The following ZNF318 variants were observed in gnomAD, a reference collection of about 807,000 sequenced individuals.
The protein encoded by ZNF318 is zinc finger protein 318.
Under a neutral mutation model 124.2 loss-of-function variants are expected in ZNF318, and 51 were observed. The ratio of observed to expected loss-of-function variants is 0.41; its 90% CI spans 0.33 to 0.52. The LOEUF is 0.52. ZNF318 is among the 20% of genes least tolerant of loss of function. ZNF318 has a pLI of 0.23. For missense variants in ZNF318, 2,815 were observed against 2,811.2 expected (o/e 1.00, Z -0.03); for synonymous variants, 1,090 against 1,040.7 (o/e 1.05, Z -0.91).
At position 43,342,749 on chromosome 6, in the gene ZNF318, C is replaced by A; in HGVS notation, c.3203G>T (p.Cys1068Phe). ...YEYYDAGNHW[C>F]KDCNTICGTM... ...CCCACAGATGGTGTTGCAGTCTTTG[C>A]ACCAGTGATTGCCAGCATCATAATA... The change falls in exon 7 of 10, where the codon TGC (cysteine) becomes TTC (phenylalanine). Residue 1068 changes from cysteine (C) to phenylalanine (F), a missense_variant. Cys to Phe is a radical substitution (Grantham distance 205). Around this residue, in one of 4 missense-constraint regions of ZNF318, gnomAD observed 500 missense variants for 605.2 expected, o/e 0.83. Coordinates refer to ENST00000361428, the MANE Select transcript of ZNF318 (RefSeq NM_014345.3). The A allele has an allele frequency of 1.2e-6, 2 of 1,614,226 alleles. No individual in the cohort carries two copies. Among genetic ancestry groups the A allele is most frequent in the Non-Finnish European group, 1.7e-6 (2 of 1,180,034 alleles).
At chr6:43,362,988 T>C (rs1273324140) in intron 2 of ZNF318, among the ~76,000 whole-genome samples, 1 of 152,166 alleles carries the variant, frequency 6.6e-6, no homozygotes, top group Non-Finnish European at 1.5e-5. Context: ...AACAGTATTT[T>C]TTAAATGGCC....
chr6:43,353,379 T>C lies in ZNF318; in HGVS notation c.2671-903A>G, dbSNP rs1779560910. On this transcript the variant is annotated intron_variant, in intron 4 of 9. Transcript: ENST00000361428. Reference sequence around the variant, plus strand: ...CCTCTAATTTTTTTCTTCAGAACTTTTTTTTTTTTTTTTGAGATGGAATCT... The same window carrying C: ...CCTCTAATTTTTTTCTTCAGAACTTCTTTTTTTTTTTTTGAGATGGAATCT... 3.9e-5 allele frequency among the ~76,000 whole-genome samples: 4 copies of C among 101,934 alleles called. 1 individual carries two copies. The South Asian group carries it at 1.1e-3, about 29-fold the overall frequency. The allele number at this position is 101,934 out of a possible 152,430, so 66.9% of individuals were successfully genotyped here. A position where few individuals can be genotyped will look rare whatever the true frequency, so the allele number is the denominator to read the frequency against.
Position 43,355,062 on chromosome 6 carries a change from A to T in ZNF318, c.2272T>A (p.Leu758Ile). The change falls in exon 4 of 10, where the codon TTA becomes ATA. Residue 758 changes from leucine to isoleucine, a missense_variant. Physicochemically the swap from Leu to Ile is conservative, Grantham distance 5. Around this residue, in one of 4 missense-constraint regions of ZNF318, gnomAD observed 1,377 missense variants for 1,353.5 expected, o/e 1.02. Transcript: ENST00000361428. ...APIRLPHTAA[L>I]SQFHMPRASQ... ...GCCCTTGGCATGTGAAACTGAGATA[A>T]AGCAGCAGTGTGTGGAAGTCTAATT... The T allele has an allele frequency of 2.5e-6, 4 of 1,614,114 alleles. No homozygotes were observed. Among genetic ancestry groups the T allele is most frequent in the Non-Finnish European group, 3.4e-6 (4 of 1,179,998 alleles).
chr6:43,338,747 G>C lies in ZNF318; in HGVS notation c.5251C>G (p.Leu1751Val), dbSNP rs574684582. The stretch of plus-strand genomic sequence containing the variant: ...TTATCCTGGTTAACAGATTCTCTGA[G>C]GTGGATTTCTACCAACTTCTGAGAT... ...KESQKLVEIH[L>V]RESVNQDKES... Residue 1751 changes from leucine (L) to valine (V), a missense_variant, in exon 10 of 10, where the codon CTC becomes GTC. This residue lies in a region of ZNF318 where 927 missense variants were observed against 820.6 expected (regional missense o/e 1.13). Coordinates refer to ENST00000361428, the MANE Select transcript of ZNF318 (RefSeq NM_014345.3). The C allele has an allele frequency of 4.2e-5, 67 of 1,614,118 alleles. No homozygotes were observed. In the South Asian group the frequency reaches 6.8e-4, roughly 16 times the overall value.
Position 43,339,794 on chromosome 6 carries a change from G to A in ZNF318, c.4204C>T (p.Pro1402Ser), listed in dbSNP as rs757046876. ...VKESSADLLL[P>S]PDIISKAFGG... Reference sequence around the variant, plus strand: ...AATGCTTTGGAGATGATGTCTGGAGGTAAGAGGAGATCAGCTGAAGACTCT... The same window carrying A: ...AATGCTTTGGAGATGATGTCTGGAGATAAGAGGAGATCAGCTGAAGACTCT... The change falls in exon 10 of 10, where the codon CCT becomes TCT. Residue 1402 changes from proline (P) to serine (S), a missense_variant. By Grantham distance (74) the Pro-to-Ser change is moderately conservative. Coordinates refer to ENST00000361428, the MANE Select transcript of ZNF318 (RefSeq NM_014345.3). This position sits in a 1 kb window ranked among gnomAD's most constrained non-coding sequence, Gnocchi z 4.2. 19 of 1,614,156 alleles carry A rather than the reference G, an allele frequency of 1.2e-5. No individual in the cohort carries two copies. The highest frequency in any genetic ancestry group is 1.4e-5 in the Non-Finnish European group (17 of 1,180,044).
chr6:43,356,231 T>C, intron 3 of ZNF318, 86 bp from the exon 4 acceptor site: 1 of 1,415,512 alleles, frequency 7.1e-7, no homozygotes, highest in Admixed American at 2.4e-5. Context: ...ACTTTGGTCT[T>C]CCTGAATTAA....
rs759173765 is a variant in ZNF318, at chr6:43,337,437, C to G, written c.6561G>C (p.Leu2187=). The G allele has an allele frequency of 1.1e-5, 17 of 1,614,044 alleles. No homozygotes were observed. The highest frequency in any genetic ancestry group is 1.6e-4 in the Middle Eastern group (1 of 6,084). ...CACCTGGCTCAGAGAGTGGAGAACA[C>G]AGTTTATCTTTTTGAACTCCAGAGG... ...TRTSGVQKDK[L]CSPLSEPGDP... Residue 2187 remains leucine (L), a synonymous_variant, in exon 10 of 10, where the codon CTG becomes CTC. Transcript: ENST00000361428.
chr6:43,369,057 C>T lies in ZNF318; in HGVS notation c.309G>A (p.Pro103=), dbSNP rs947378850. ...CCCGGCTGCTGCCTCTGAAGCCGGC[C>T]GGGCCCGGCGGGAAGAGTCGTCGGC... ...PRGRRLFPPG[P]AGFRGSSRGE... Residue 103 remains proline (P), a synonymous_variant, in exon 1 of 10, where the codon CCG becomes CCA. Coordinates refer to ENST00000361428, the MANE Select transcript of ZNF318 (RefSeq NM_014345.3). 1.5e-6 allele frequency: 2 copies of T among 1,347,752 alleles called. No individual in the cohort carries two copies. The highest frequency in any genetic ancestry group is 3.0e-5 in the African/African-American group (2 of 65,966). The allele number at this position is 1,347,752 out of a possible 1,614,324, so 83.5% of individuals were successfully genotyped here.
rs754007857 is a variant in ZNF318 at position 43,357,200 on chromosome 6, C to T, written c.1114G>A (p.Glu372Lys). Residue 372 changes from glutamate (E) to lysine (K), a missense_variant, in exon 3 of 10, where the codon GAA becomes AAA. Physicochemically the swap from Glu to Lys is moderately conservative, Grantham distance 56. Coordinates refer to ENST00000361428, the MANE Select transcript of ZNF318 (RefSeq NM_014345.3). ...GATTTCTTGGGCATCACAGATACTT[C>T]CTCAGGCCGATGCAAAGAATATCCT... is the stretch of plus-strand genomic sequence containing the variant. ...EPGYSLHRPE[E>K]VSVMPKKSIL... is the part of the protein sequence containing the mutation. 2 of 1,614,186 alleles carry T rather than the reference C, an allele frequency of 1.2e-6. No individual in the cohort carries two copies. Among genetic ancestry groups the T allele is most frequent in the Admixed American group, 1.7e-5 (1 of 60,016 alleles).
chr6:43,352,507 T>C (rs1268221487), intron 4 of ZNF318, 31 bp from the exon 5 acceptor site: 3 of 1,571,780 alleles, frequency 1.9e-6, no homozygotes, highest in Admixed American at 3.3e-5. Flanking sequence ...AGAGAGTCCA[T>C]CTCCTCCAAC....
intron 4 of ZNF318, among the ~76,000 whole-genome samples, chr6:43,353,536 G>A (rs924111106): frequency 2.0e-5 from 3 of 151,900 alleles, no homozygotes; most frequent in East Asian, 1.9e-4. Context: ...CACCACACCC[G>A]GCTAATTTTT....
chr6:43,363,968 C>T, intron 2 of ZNF318: 1 of 682,176 alleles, frequency 1.5e-6, no homozygotes, highest in Non-Finnish European at 2.6e-6. Flanking sequence ...TGCAAGGTGA[C>T]AGGCTACTGC....
At chr6:43,365,948 C>A (rs2150758468) in intron 1 of ZNF318, among the ~76,000 whole-genome samples, 1 of 152,216 alleles carries the variant, frequency 6.6e-6, no homozygotes, top group Middle Eastern at 3.4e-3. Context: ...TCTTACTGGG[C>A]ATGGGAAAAG....
chr6:43,352,254 TTTAA>T, intron 5 of ZNF318, 119 bp downstream of exon 5: 1 of 711,866 alleles, frequency 1.4e-6, no homozygotes, highest in South Asian at 1.9e-5. Flanking sequence ...TTTTTGTAAG[TTTAA>T]TTACGTCAAA....
chr6:43,338,672 C>T lies in ZNF318; in HGVS notation c.5326G>A (p.Glu1776Lys), dbSNP rs781298041. The change falls in exon 10 of 10, where the codon GAG becomes AAG. Residue 1776 changes from glutamate (E) to lysine (K), a missense_variant. Physicochemically the swap from Glu to Lys is moderately conservative, Grantham distance 56. This residue lies in a region of ZNF318 where 927 missense variants were observed against 820.6 expected (regional missense o/e 1.13). Transcript: ENST00000361428. ...CTTTCTTTTAGTTCAGTGTTTGTCT[C>T]TATCTCACTTTCTCTACAATCCTCA... ...KSEDCRESEI[E>K]TNTELKERVK... The T allele has an allele frequency of 5.0e-6, 8 of 1,614,176 alleles. No individual in the cohort carries two copies. Among genetic ancestry groups the T allele is most frequent in the Non-Finnish European group, 6.8e-6 (8 of 1,180,044 alleles).
chr6:43,360,059 G>A (rs532561576), intron 2 of ZNF318, among the ~76,000 whole-genome samples: 6 of 152,142 alleles, frequency 3.9e-5, no homozygotes, highest in Admixed American at 2.0e-4. Context: ...TTAGTATAGG[G>A]AGAAAAAACA....
rs749554045 is a variant in ZNF318 at position 43,337,306 on chromosome 6, T to G, written c.6692A>C (p.Asp2231Ala). Residue 2231 changes from aspartate (D) to alanine (A), a missense_variant, in exon 10 of 10, where the codon GAC (aspartate) becomes GCC (alanine). By Grantham distance (126) the Asp-to-Ala change is moderately radical. Around this residue, in one of 4 missense-constraint regions of ZNF318, gnomAD observed 927 missense variants for 820.6 expected, o/e 1.13. Coordinates refer to ENST00000361428, the MANE Select transcript of ZNF318 (RefSeq NM_014345.3). ...TGGAGCTTTAACCAAATTCAGAGGG[T>G]CGCCACTGTCATCATCTACTTGCAG... ...AILQVDDDSG[D>A]PLNLVKAPVS... 4.3e-6 allele frequency: 7 copies of G among 1,614,098 alleles called. 1 individual carries two copies. In the South Asian group the frequency reaches 6.6e-5, roughly 15 times the overall value.
At position 43,339,598 on chromosome 6, in the gene ZNF318, G is replaced by A. The variant is rs745333657; in HGVS notation, c.4400C>T (p.Ala1467Val). ...TGGAGCCAAGATAGCATTTGCTTGAGCAGCAGACGGGGCAGCTGGATGAGG... is the reference window on the plus strand; with the variant it reads ...TGGAGCCAAGATAGCATTTGCTTGAACAGCAGACGGGGCAGCTGGATGAGG... ...VIPHPAAPSA[A>V]QANAILAPVK... Residue 1467 changes from alanine (A) to valine (V), a missense_variant, in exon 10 of 10, where the codon GCT (alanine) becomes GTT (valine). This residue lies in a region of ZNF318 where 500 missense variants were observed against 605.2 expected (regional missense o/e 0.83). Coordinates refer to ENST00000361428, the MANE Select transcript of ZNF318 (RefSeq NM_014345.3). This position sits in a 1 kb window ranked among gnomAD's most constrained non-coding sequence, Gnocchi z 4.2. 1 of 1,548,632 alleles carries A rather than the reference G, an allele frequency of 6.5e-7. No homozygotes were observed. The highest frequency in any genetic ancestry group is 8.8e-7 in the Non-Finnish European group (1 of 1,142,224).
Position 43,339,976 on chromosome 6 carries a change from G to T in ZNF318, c.4022C>A (p.Thr1341Lys). Reference protein sequence around the residue: ...AHTSPWMPVVTTSTQTKIRPN... With the variant: ...AHTSPWMPVVKTSTQTKIRPN... ...TCGGATCTTAGTCTGTGTGGAAGTT[G>T]TCACAACAGGCATCCAAGGGCTGGT... The change falls in exon 10 of 10, where the codon ACA becomes AAA. Residue 1341 changes from threonine to lysine, a missense_variant. Physicochemically the swap from Thr to Lys is moderately conservative, Grantham distance 78 (BLOSUM62 -1). Transcript: ENST00000361428. This position sits in a 1 kb window ranked among gnomAD's most constrained non-coding sequence, Gnocchi z 4.2. 1 of 1,614,186 alleles carries T rather than the reference G, an allele frequency of 6.2e-7. No individual in the cohort carries two copies. The highest frequency in any genetic ancestry group is 8.5e-7 in the Non-Finnish European group (1 of 1,180,032).
Sources: gnomAD v4.1 joint callset for allele counts (sites outside exome capture counted in the v4.1 genomes callset) on GRCh38, gnomAD v4.1.1 for gene constraint, gnomAD v4.1.1 regional missense constraint, Gnocchi (gnomAD v3.1) non-coding constraint, MANE v1.5 for transcripts, NCBI Gene and HGNC (gene_info 2026-07-23, HGNC 2026-07-21) for gene names.